ATAD2: variants seen among roughly 807,000 people sequenced by gnomAD.
The protein encoded by ATAD2 is ATPase family AAA domain-containing protein 2.
A neutral mutation model predicts 168.9 loss-of-function variants in ATAD2; 62 were observed. That is an observed-to-expected ratio of 0.37 (90% CI 0.30 to 0.45). ATAD2 has a LOEUF of 0.45. Ranked by LOEUF, ATAD2 falls within the 20% of genes least tolerant of loss-of-function variation. The pLI is 1.00. For missense variants in ATAD2, 1,419 were observed against 1,667.8 expected, an observed-to-expected ratio of 0.85 and a Z score of 2.60; for synonymous variants, 613 against 571.6, an observed-to-expected ratio of 1.07 and a Z score of -1.03.
chr8:123,389,963 T>TAC (rs1050790088), intron 1 of ATAD2, among the ~76,000 whole-genome samples: 3 of 110,338 alleles, frequency 2.7e-5, no homozygotes, highest in African/African-American at 1.0e-4. Flanking sequence ...TATTATTTTA[T>TAC]ATATATATAT....
At chr8:123,321,654 C>T (rs1424890179) in intron 27 of ATAD2, among the ~76,000 whole-genome samples, 1 of 151,870 alleles carries the variant, frequency 6.6e-6, no homozygotes, top group East Asian at 1.9e-4. Flanking sequence ...ATAATAAGGC[C>T]AGGCATGGTG....
chr8:123,412,605 AT>A (rs1423406370), intron 1 of ATAD2, among the ~76,000 whole-genome samples: 1 of 149,912 alleles, frequency 6.7e-6, no homozygotes, highest in African/African-American at 2.5e-5. Context: ...ATTAAAAAAA[AT>A]TTTTTTTTTG....
In ATAD2 at chr8:123,388,420, T is replaced by C. The variant is rs565696430; in HGVS notation, c.172-7743A>G. Among the ~76,000 whole-genome samples, 19 of 152,304 alleles carry C rather than the reference T, an allele frequency of 1.2e-4. No individual in the cohort carries two copies. In the South Asian group the frequency reaches 3.9e-3, roughly 32 times the overall value. ...ATTATTTTGAGACGGAGTCTTGCTCTGTCGCCCAGGCTGGGGTGCAGTGAG... is the reference window on the plus strand; with the variant it reads ...ATTATTTTGAGACGGAGTCTTGCTCCGTCGCCCAGGCTGGGGTGCAGTGAG... On this transcript the variant is annotated intron_variant, in intron 1 of 27. Coordinates refer to ENST00000287394, the MANE Select transcript of ATAD2 (RefSeq NM_014109.4).
In ATAD2 at chr8:123,328,430, C is replaced by G. The variant is rs112768420; in HGVS notation, c.3628G>C (p.Val1210Leu). The stretch of plus-strand genomic sequence containing the variant: ...GTGTTTCCGGTCTCATTATGATCTA[C>G]ACTTGTGTCTTGAGTTTCCTCTGTA... ...SDTEETQDTSVDHNETGNTGE... is the reference protein window; with the variant it reads ...SDTEETQDTSLDHNETGNTGE... Residue 1210 changes from valine (V) to leucine (L), a missense_variant, in exon 25 of 28, where the codon GTA becomes CTA. This residue lies in a region of ATAD2 where 303 missense variants were observed against 304.3 expected (regional missense o/e 1.00). Transcript: ENST00000287394. 3 of 1,611,310 alleles carry G rather than the reference C, an allele frequency of 1.9e-6. No homozygotes were observed. The highest frequency in any genetic ancestry group is 2.7e-5 in the African/African-American group (2 of 74,992).
chr8:123,413,333 TG>T (rs373070597), intron 1 of ATAD2, among the ~76,000 whole-genome samples: 170 of 151,860 alleles, frequency 1.1e-3, no homozygotes, highest in African/African-American at 3.9e-3. Context: ...TGTCAATAGT[TG>T]CTGAATAAAA....
intron 6 of ATAD2, among the ~76,000 whole-genome samples, chr8:123,370,538 G>A (rs1829121353): frequency 6.6e-6 from 1 of 152,032 alleles, no homozygotes; most frequent in African/African-American, 2.4e-5. Flanking sequence ...ATGCATTTCA[G>A]AAAACTGATT....
At chr8:123,406,422 A>G (rs2130034200) in intron 1 of ATAD2, among the ~76,000 whole-genome samples, 1 of 151,940 alleles carries the variant, frequency 6.6e-6, no homozygotes, top group Admixed American at 6.6e-5. Flanking sequence ...AAATTAAAAA[A>G]AAAACTAAGC....
intron 8 of ATAD2, among the ~76,000 whole-genome samples, chr8:123,362,072 G>A (rs922015008): frequency 3.3e-5 from 5 of 152,212 alleles, no homozygotes; most frequent in East Asian, 3.9e-4. Flanking sequence ...ACAACGTAGC[G>A]GGACATTGTC....
chr8:123,370,109 T>C, intron 6 of ATAD2, 85 bp from the exon 7 acceptor site: 1 of 1,261,618 alleles, frequency 7.9e-7, no homozygotes, highest in Non-Finnish European at 1.1e-6. Context: ...GAGAGAAAGA[T>C]CCACCCTTTT....
intron 1 of ATAD2, among the ~76,000 whole-genome samples, chr8:123,381,498 CACAAA>C (rs374417395): frequency 1.3e-3 from 197 of 151,288 alleles, no homozygotes; most frequent in Non-Finnish European, 1.7e-3. Flanking sequence ...GAGACCCTGC[CACAAA>C]ACAAAACAAA....
At chr8:123,349,533 G>T in intron 13 of ATAD2, 89 bp from the exon 14 acceptor site, 1 of 1,267,648 alleles carries the variant, frequency 7.9e-7, no homozygotes, top group South Asian at 1.5e-5. Flanking sequence ...AAGATTTAAC[G>T]CATTACATGT....
intron 1 of ATAD2, among the ~76,000 whole-genome samples, chr8:123,383,634 G>A (rs1266393920): frequency 6.6e-6 from 1 of 152,064 alleles, no homozygotes; most frequent in East Asian, 1.9e-4. Context: ...TCAGCCGGGC[G>A]AGGTGGCGCA....
At position 123,324,863 on chromosome 8, in the gene ATAD2, A is replaced by C. The variant is rs73705904; in HGVS notation, c.4002+1030T>G. ...AGCAACAGATAACCTGACAGCTGTC[A>C]GAATCACTTAGCTATTTTCTCTCTG... On this transcript the variant is annotated intron_variant, in intron 26 of 27. Transcript: ENST00000287394. 4.9e-3 allele frequency among the ~76,000 whole-genome samples: 753 copies of C among 152,262 alleles called. 5 individuals carry two copies. The highest frequency in any genetic ancestry group is 0.017 in the African/African-American group (716 of 41,542).
chr8:123,398,051 A>G (rs1358938617), upstream of ATAD2, among the ~76,000 whole-genome samples: 1 of 152,056 alleles, frequency 6.6e-6, no homozygotes, highest in Non-Finnish European at 1.5e-5. Flanking sequence ...CCCTGAGATG[A>G]AAAGACATCT....
intron 2 of ATAD2, among the ~76,000 whole-genome samples, chr8:123,375,571 A>G (rs968250056): frequency 2.0e-5 from 3 of 152,262 alleles, no homozygotes; most frequent in African/African-American, 7.2e-5. Context: ...ACCTACATTC[A>G]TATCATTATT....
intron 1 of ATAD2, among the ~76,000 whole-genome samples, chr8:123,404,034 T>C (rs1813039503): frequency 6.6e-6 from 1 of 152,178 alleles, no homozygotes; most frequent in African/African-American, 2.4e-5. Flanking sequence ...GAGGTAACTC[T>C]CTTCTCTGGG....
upstream of ATAD2, among the ~76,000 whole-genome samples, chr8:123,399,789 G>A (rs1812973210): frequency 6.6e-6 from 1 of 152,080 alleles, no homozygotes; most frequent in Admixed American, 6.6e-5. Context: ...GGGAGGCAGA[G>A]GTTGCGGTGA....
At chr8:123,385,696 T>C (rs1376082024) in intron 1 of ATAD2, among the ~76,000 whole-genome samples, 1 of 151,846 alleles carries the variant, frequency 6.6e-6, no homozygotes, top group East Asian at 1.9e-4. Context: ...AAGAACACTA[T>C]CAACAGAGTG....
chr8:123,362,489 C>G (rs963891999), intron 8 of ATAD2, among the ~76,000 whole-genome samples: 12 of 151,444 alleles, frequency 7.9e-5, no homozygotes, highest in African/African-American at 2.9e-4. Context: ...CAGCTCACTG[C>G]AACCTCTGCC....
Sources: gnomAD v4.1 joint callset for allele counts (sites outside exome capture counted in the v4.1 genomes callset) on GRCh38, gnomAD v4.1.1 for gene constraint, gnomAD v4.1.1 regional missense constraint, MANE v1.5 for transcripts, NCBI Gene and HGNC (gene_info 2026-07-23, HGNC 2026-07-21) for gene names.